Variants in ARHGAP42 observed in about 807,000 individuals in gnomAD.
The protein encoded by ARHGAP42 is rho GTPase-activating protein 42.
ARHGAP42 carries 63 observed loss-of-function variants against 125.0 expected under a neutral mutation model. The observed-to-expected ratio is 0.50, with a 90% CI of 0.41 to 0.62. The LOEUF is 0.62. Among genes scored for constraint, ARHGAP42 ranks in the 20% least tolerant of loss-of-function variants. The pLI, the probability that ARHGAP42 is intolerant of heterozygous loss-of-function variation, is 0.00. For missense variants in ARHGAP42, 766 were observed against 1,024.2 expected, an observed-to-expected ratio of 0.75 and a Z score of 3.44; for synonymous variants, 339 against 351.0, an observed-to-expected ratio of 0.97 and a Z score of 0.38.
rs1032649726 is a variant in ARHGAP42 at position 100,990,585 on chromosome 11, T to A, written c.*1784T>A. The A allele has an allele frequency of 2.6e-5, 4 of 152,454 alleles. No homozygotes were observed. The highest frequency in any genetic ancestry group is 7.2e-5 in the African/African-American group (3 of 41,470). 9.4% of individuals were successfully genotyped at this position (152,454 alleles called of 1,614,324 possible). A position where few individuals can be genotyped will look rare whatever the true frequency, so the allele number is the denominator to read the frequency against. On this transcript the variant is annotated 3_prime_UTR_variant, in exon 24 of 24. Coordinates refer to ENST00000298815, the MANE Select transcript of ARHGAP42 (RefSeq NM_152432.4). ...TTGATAAAAGAGTATCTTTTTCTTT[T>A]ATCTCTTACTGTTGACCTCTGTGCA...
chr11:100,933,977 G>A (rs1464098519), intron 7 of ARHGAP42, among the ~76,000 whole-genome samples: 1 of 152,020 alleles, frequency 6.6e-6, no homozygotes, highest in Non-Finnish European at 1.5e-5. Context: ...AGTAGAGACG[G>A]GGTTTCACCA....
At chr11:100,755,322 C>T (rs1241060292) in intron 1 of ARHGAP42, among the ~76,000 whole-genome samples, 1 of 152,154 alleles carries the variant, frequency 6.6e-6, no homozygotes, top group Non-Finnish European at 1.5e-5. Context: ...GGGCTGGGTC[C>T]CTGCACTACA....
chr11:100,798,036 A>G (rs1339573673), intron 3 of ARHGAP42, among the ~76,000 whole-genome samples: 1 of 152,208 alleles, frequency 6.6e-6, no homozygotes, highest in Non-Finnish European at 1.5e-5. Context: ...GAGAACTAGA[A>G]TTAGAAGTGG....
chr11:100,941,785 A>G lies in ARHGAP42; in HGVS notation c.834A>G (p.Arg278=). 1 of 1,505,412 alleles carries G rather than the reference A, an allele frequency of 6.6e-7. No homozygotes were observed. The allele number at this position is 1,505,412 out of a possible 1,614,324, so 93.3% of individuals were successfully genotyped here. A position where few individuals can be genotyped will look rare whatever the true frequency, so the allele number is the denominator to read the frequency against. ...AATTTTTTTGTTTCCTTACATTAGG[A>G]CCGCTTGGTTTTACATGGATTAAAC... ...MEGYLYVQEK[R]PLGFTWIKHY... is the part of the protein sequence containing the mutation. The change falls in exon 9 of 24, where the codon CGA becomes CGG. Residue 278 remains arginine, a splice_region_variant and synonymous_variant. Transcript: ENST00000298815.
intron 4 of ARHGAP42, among the ~76,000 whole-genome samples, chr11:100,868,779 A>G (rs187588980): frequency 6.6e-6 from 1 of 152,274 alleles, no homozygotes; most frequent in East Asian, 1.9e-4. Context: ...TGGGCATTCT[A>G]GTTGCCTTAT....
chr11:100,712,715 G>A (rs583447), intron 1 of ARHGAP42, among the ~76,000 whole-genome samples: 1 of 152,134 alleles, frequency 6.6e-6, no homozygotes, highest in Non-Finnish European at 1.5e-5. Flanking sequence ...GAGTTCTGAA[G>A]CTCCCGCCAG....
chr11:100,885,943 C>T (rs1394587888), intron 4 of ARHGAP42, among the ~76,000 whole-genome samples: 1 of 152,168 alleles, frequency 6.6e-6, no homozygotes. Context: ...CCCGTAATTG[C>T]ATTGTGTCCT....
intron 1 of ARHGAP42, among the ~76,000 whole-genome samples, chr11:100,697,193 G>GT (rs1440532047): frequency 3.0e-3 from 409 of 135,826 alleles, no homozygotes; most frequent in East Asian, 5.4e-3. Flanking sequence ...TTTTTTTTTT[G>GT]TTTTTTTGAG....
chr11:100,723,120 G>A (rs540741155), intron 1 of ARHGAP42, among the ~76,000 whole-genome samples: 1 of 152,170 alleles, frequency 6.6e-6, no homozygotes, highest in African/African-American at 2.4e-5. Context: ...CTATTTCTGG[G>A]CTATTTTATT....
At chr11:100,950,596 A>G (rs566803215) in intron 12 of ARHGAP42, among the ~76,000 whole-genome samples, 2 of 151,898 alleles carry the variant, frequency 1.3e-5, no homozygotes, top group East Asian at 3.9e-4. Context: ...CATTCTTTAT[A>G]AACACAGTTT....
Position 100,980,559 on chromosome 11 carries a change from C to CTTTTTTTTTTTTTTTTTTTT in ARHGAP42, c.2456+1521_2456+1540dup, listed in dbSNP as rs763302463. 6.4e-4 allele frequency among the ~76,000 whole-genome samples: 33 copies of CTTTTTTTTTTTTTTTTTTTT among 51,952 alleles called. 3 individuals are homozygous for CTTTTTTTTTTTTTTTTTTTT. Among genetic ancestry groups the CTTTTTTTTTTTTTTTTTTTT allele is most frequent in the Middle Eastern group, 0.019 (1 of 52 alleles). The allele number at this position is 51,952 out of a possible 152,430, so 34.1% of individuals were successfully genotyped here. On this transcript the variant is annotated intron_variant, in intron 22 of 23. Coordinates refer to ENST00000298815, the MANE Select transcript of ARHGAP42 (RefSeq NM_152432.4). ...TCAAATCATACTTCTTTTTCTTCTT[C>CTTTTTTTTTTTTTTTTTTTT]TTTTTTTTTTTTTTTTTTTTTTTTT...
At chr11:100,757,665 T>C (rs1015720068) in intron 1 of ARHGAP42, among the ~76,000 whole-genome samples, 3 of 152,200 alleles carry the variant, frequency 2.0e-5, no homozygotes, top group Non-Finnish European at 4.4e-5. Flanking sequence ...CAAAATAGTT[T>C]CAAAAATTGC....
At position 100,749,054 on chromosome 11, in the gene ARHGAP42, G is replaced by A. The variant is rs545297791; in HGVS notation, c.155-21289G>A. On this transcript the variant is annotated intron_variant, in intron 1 of 23. Coordinates refer to ENST00000298815, the MANE Select transcript of ARHGAP42 (RefSeq NM_152432.4). ...TGTCTCTTTCTCTGCCTCTCCCAGC[G>A]GCTTATGCTGCTGTTCTCCCCTCTC... Among the ~76,000 whole-genome samples, 199 of 151,818 alleles carry A rather than the reference G, an allele frequency of 1.3e-3. 1 individual carries two copies. Among genetic ancestry groups the A allele is most frequent in the Non-Finnish European group, 2.1e-3 (145 of 67,938 alleles).
chr11:100,844,575 G>T (rs1194174306), intron 3 of ARHGAP42, among the ~76,000 whole-genome samples: 1 of 151,326 alleles, frequency 6.6e-6, no homozygotes, highest in South Asian at 2.1e-4. Flanking sequence ...TACCCAGAAG[G>T]TACAATGAAC....
intron 3 of ARHGAP42, among the ~76,000 whole-genome samples, chr11:100,853,230 A>T (rs945579648): frequency 1.3e-5 from 2 of 152,150 alleles, no homozygotes; most frequent in African/African-American, 4.8e-5. Context: ...GACCTTTCAC[A>T]TATCTTGATA....
chr11:100,990,309 A>G lies in ARHGAP42; in HGVS notation c.*1508A>G, dbSNP rs980190323. 1 of 152,118 alleles carries G rather than the reference A, an allele frequency of 6.6e-6. No homozygotes were observed. Among genetic ancestry groups the G allele is most frequent in the Admixed American group, 6.6e-5 (1 of 15,254 alleles). 9.4% of individuals were successfully genotyped at this position (152,118 alleles called of 1,614,324 possible). A position where few individuals can be genotyped will look rare whatever the true frequency, so the allele number is the denominator to read the frequency against. On this transcript the variant is annotated 3_prime_UTR_variant, in exon 24 of 24. Coordinates refer to ENST00000298815, the MANE Select transcript of ARHGAP42 (RefSeq NM_152432.4). ...GTATTAACTGTAAAAAACTCTTTAC[A>G]TGCCATTATTATCTGTAATCTCTAT...
rs186309393 is a variant in ARHGAP42 at position 100,838,036 on chromosome 11, G to A, written c.313-21518G>A. Among the ~76,000 whole-genome samples, 7 of 150,078 alleles carry A rather than the reference G, an allele frequency of 4.7e-5. No individual in the cohort carries two copies. The East Asian group carries it at 7.9e-4, about 17-fold the overall frequency. The stretch of plus-strand genomic sequence containing the variant: ...AAAAATAATTGAGCCCCATTCCCTC[G>A]CTAACTGCCTGCCTCAGTTCCTGAG... On this transcript the variant is annotated intron_variant, in intron 3 of 23. Coordinates refer to ENST00000298815, the MANE Select transcript of ARHGAP42 (RefSeq NM_152432.4).
At chr11:100,732,155 C>T (rs981185726) in intron 1 of ARHGAP42, among the ~76,000 whole-genome samples, 2 of 152,008 alleles carry the variant, frequency 1.3e-5, no homozygotes, top group Non-Finnish European at 2.9e-5. Context: ...TGGGGTTTCT[C>T]CATGCTGGTC....
intron 3 of ARHGAP42, among the ~76,000 whole-genome samples, chr11:100,812,914 A>T (rs959028764): frequency 2.6e-5 from 4 of 152,170 alleles, no homozygotes; most frequent in Non-Finnish European, 4.4e-5. Context: ...TGATTTAGGA[A>T]TTTAAAGGAC....
Sources: gnomAD v4.1 joint callset for allele counts (sites outside exome capture counted in the v4.1 genomes callset) on GRCh38, gnomAD v4.1.1 for gene constraint, MANE v1.5 for transcripts, NCBI Gene and HGNC (gene_info 2026-07-23, HGNC 2026-07-21) for gene names.